The following RAVER2 variants were observed in gnomAD, a reference collection of about 807,000 sequenced individuals.
RAVER2 encodes the protein ribonucleoprotein, PTB binding 2, also known as ribonucleoprotein PTB-binding 2.
In RAVER2, 46 loss-of-function variants were observed where a neutral mutation model predicts 78.1. That is an observed-to-expected ratio of 0.59 (90% CI 0.46 to 0.75). RAVER2 has a LOEUF of 0.75. RAVER2 is among the 30% of genes least tolerant of loss of function. RAVER2 has a pLI of 0.00. For missense variants in RAVER2, 793 were observed against 837.5 expected, an observed-to-expected ratio of 0.95 and a Z score of 0.66; for synonymous variants, 311 against 313.3, an observed-to-expected ratio of 0.99 and a Z score of 0.08.
At chr1:64,766,146 A>G (rs1212416018) in intron 1 of RAVER2, among the ~76,000 whole-genome samples, 3 of 152,242 alleles carry the variant, frequency 2.0e-5, no homozygotes, top group East Asian at 3.8e-4. Flanking sequence ...ATAGTTTACT[A>G]AAGCTATCTA....
In RAVER2 at chr1:64,745,174, TGGCGGCGGCGGCGGGA is replaced by T. The variant is rs1302768055; in HGVS notation, c.4_19del (p.Ala2_?7). On this transcript the variant is annotated frameshift_variant and start_lost, in exon 1 of 12. Transcript: ENST00000294428. LOFTEE classifies it high-confidence loss of function. The surrounding 1 kb of genome is among the most constrained non-coding windows in gnomAD (Gnocchi z 4.3). Reference sequence around the variant, plus strand: ...CGCAGCCGCTGGGCGCCCGGGAAGATGGCGGCGGCGGCGGGAGACGGCGGCGGCGAGGGGGGCGCGG... The same window carrying T: ...CGCAGCCGCTGGGCGCCCGGGAAGATGACGGCGGCGGCGAGGGGGGCGCGG... The T allele has an allele frequency of 9.8e-7, 1 of 1,015,394 alleles. No homozygotes were observed. Among genetic ancestry groups the T allele is most frequent in the African/African-American group, 1.7e-5 (1 of 57,326 alleles). 62.9% of individuals were successfully genotyped at this position (1,015,394 alleles called of 1,614,324 possible).
In RAVER2 at chr1:64,797,210, C is replaced by T. The variant is rs1452348668; in HGVS notation, c.1106-5766C>T. On this transcript the variant is annotated intron_variant, in intron 5 of 11. Transcript: ENST00000294428. ...TACTGGATGTGGAGTGTTCTATACA[C>T]GTCAGTTAGATCAACATGGTTGATA... Among the ~76,000 whole-genome samples, 4 of 152,122 alleles carry T rather than the reference C, an allele frequency of 2.6e-5. No homozygotes were observed. The East Asian group carries it at 5.8e-4, about 22-fold the overall frequency.
intron 1 of RAVER2, among the ~76,000 whole-genome samples, chr1:64,751,084 G>A (rs1297411825): frequency 6.6e-6 from 1 of 152,232 alleles, no homozygotes; most frequent in African/African-American, 2.4e-5. Context: ...GCATCAAAAT[G>A]CTGTGTTAAC....
intron 2 of RAVER2, among the ~76,000 whole-genome samples, chr1:64,773,348 C>A (rs904137634): frequency 6.6e-6 from 1 of 151,950 alleles, no homozygotes; most frequent in African/African-American, 2.4e-5. Context: ...CTACACCCCC[C>A]GACAGGCCCC....
chr1:64,769,449 A>G (rs1652257556), intron 2 of RAVER2, among the ~76,000 whole-genome samples: 1 of 152,076 alleles, frequency 6.6e-6, no homozygotes, highest in South Asian at 2.1e-4. Flanking sequence ...CAATTTATGC[A>G]ATTACATTTT....
intron 5 of RAVER2, among the ~76,000 whole-genome samples, chr1:64,800,186 T>A (rs558526213): frequency 3.5e-4 from 53 of 152,036 alleles, no homozygotes; most frequent in African/African-American, 1.3e-3. Flanking sequence ...TGGATATTAA[T>A]CCTGTGTCAC....
intron 5 of RAVER2, among the ~76,000 whole-genome samples, chr1:64,793,216 A>G (rs1025740509): frequency 6.6e-6 from 1 of 152,186 alleles, no homozygotes; most frequent in Non-Finnish European, 1.5e-5. Context: ...AAAAGAAAAA[A>G]AAAATTGTAA....
chr1:64,792,623 G>A (rs1416549032), intron 5 of RAVER2, among the ~76,000 whole-genome samples: 1 of 152,164 alleles, frequency 6.6e-6, no homozygotes, highest in Non-Finnish European at 1.5e-5. Flanking sequence ...ATTTTAAGAT[G>A]TTTGAATATT....
chr1:64,765,253 TGAG>T (rs2100819163), intron 1 of RAVER2, among the ~76,000 whole-genome samples: 1 of 152,308 alleles, frequency 6.6e-6, no homozygotes, highest in East Asian at 1.9e-4. Flanking sequence ...TTTCTCTCCT[TGAG>T]GAGCTCTTGC....
At position 64,745,434 on chromosome 1, in the gene RAVER2, T is replaced by C. The variant is rs1011674907; in HGVS notation, c.249+13T>C. 34 of 1,520,562 alleles carry C rather than the reference T, an allele frequency of 2.2e-5. No homozygotes were observed. Among genetic ancestry groups the C allele is most frequent in the Non-Finnish European group, 2.9e-5 (33 of 1,129,028 alleles). 94.2% of individuals were successfully genotyped at this position (1,520,562 alleles called of 1,614,324 possible). A position where few individuals can be genotyped will look rare whatever the true frequency, so the allele number is the denominator to read the frequency against. ...CAGCAACTGCCAGGTACTGGGACGG[T>C]GATAGGGGCGACGCGTCCCGAGGGG... On this transcript the variant is annotated intron_variant, in intron 1 of 11. Coordinates refer to ENST00000294428, the Ensembl canonical transcript of RAVER2. The surrounding 1 kb of genome is among the most constrained non-coding windows in gnomAD (Gnocchi z 4.3).
chr1:64,812,558 T>C (rs576085139), intron 9 of RAVER2, among the ~76,000 whole-genome samples, 180 bp from the exon 10 acceptor site: 82 of 152,290 alleles, frequency 5.4e-4, no homozygotes, highest in Non-Finnish European at 1.6e-4. Flanking sequence ...GGCTCTACAA[T>C]AGTTTTTTAA....
Position 64,745,217 on chromosome 1 carries a change from C to G in RAVER2, c.45C>G (p.Gly15=). Residue 15 remains glycine (G), a synonymous_variant, in exon 1 of 12, where the codon GGC becomes GGG. Transcript: ENST00000294428. This position sits in a 1 kb window ranked among gnomAD's most constrained non-coding sequence, Gnocchi z 4.3. ...ACGGCGGCGGCGAGGGGGGCGCGGGCCTGGGCAGCGCGGCGGGGCTGGGGC... is the reference window on the plus strand; with the variant it reads ...ACGGCGGCGGCGAGGGGGGCGCGGGGCTGGGCAGCGCGGCGGGGCTGGGGC... The G allele has an allele frequency of 2.8e-6, 3 of 1,076,252 alleles. No homozygotes were observed. The highest frequency in any genetic ancestry group is 3.4e-6 in the Non-Finnish European group (3 of 889,354). 66.7% of individuals were successfully genotyped at this position (1,076,252 alleles called of 1,614,324 possible).
At chr1:64,777,258 A>C (rs17126973) in intron 2 of RAVER2, among the ~76,000 whole-genome samples, 1 of 152,146 alleles carries the variant, frequency 6.6e-6, no homozygotes, top group African/African-American at 2.4e-5. Context: ...AAGTCTTCAT[A>C]AAATTTTATA....
intron 2 of RAVER2, 74 bp downstream of exon 2, chr1:64,768,796 T>A: frequency 1.1e-6 from 1 of 898,794 alleles, no homozygotes; most frequent in East Asian, 2.6e-5. Flanking sequence ...AAAAGCTCAG[T>A]GTCTTTTCAT....
intron 1 of RAVER2, among the ~76,000 whole-genome samples, chr1:64,757,143 T>C (rs1233540123): frequency 6.6e-6 from 1 of 152,264 alleles, no homozygotes; most frequent in Admixed American, 6.5e-5. Flanking sequence ...CTATGTCCTT[T>C]TGACGTGTCC....
chr1:64,813,110 G>C (rs1318801936), intron 10 of RAVER2, among the ~76,000 whole-genome samples: 1 of 152,106 alleles, frequency 6.6e-6, no homozygotes, highest in Admixed American at 6.6e-5. Context: ...TATATATCTT[G>C]AGTATTTGAA....
intron 1 of RAVER2, among the ~76,000 whole-genome samples, chr1:64,752,737 C>T (rs1387927219): frequency 6.6e-6 from 1 of 152,144 alleles, no homozygotes; most frequent in African/African-American, 2.4e-5. Flanking sequence ...GGACCAAAGC[C>T]CATCAATACA....
At position 64,777,751 on chromosome 1, in the gene RAVER2, G is replaced by A. The variant is rs766393685; in HGVS notation, c.445G>A (p.Val149Met). ...AGATGCTTTGTTGTGTATTACCAAC[G>A]TGCCCATTTCTTTTACATCAGAAGA... The change falls in exon 3 of 12, where the codon GTG becomes ATG. Residue 149 changes from valine (V) to methionine (M), a missense_variant. By Grantham distance (21) the Val-to-Met change is conservative. Transcript: ENST00000294428. The A allele has an allele frequency of 5.6e-6, 9 of 1,613,848 alleles. No individual in the cohort carries two copies. Among genetic ancestry groups the A allele is most frequent in the Admixed American group, 3.3e-5 (2 of 59,968 alleles).
At chr1:64,816,948 AC>A (rs1199224705) in intron 11 of RAVER2, among the ~76,000 whole-genome samples, 57 of 152,212 alleles carry the variant, frequency 3.7e-4, no homozygotes, top group African/African-American at 1.3e-3. Flanking sequence ...AAAAGAAACT[AC>A]CATCAGAGTG....
Sources: allele counts gnomAD v4.1 joint callset (sites outside exome capture counted in the v4.1 genomes callset), GRCh38; gene constraint gnomAD v4.1.1; non-coding constraint Gnocchi (gnomAD v3.1); transcripts MANE v1.5; gene names NCBI Gene and HGNC (gene_info 2026-07-23, HGNC 2026-07-21).